Variants in FRY observed in about 807,000 individuals in gnomAD.
FRY encodes the protein protein furry homolog.
A neutral mutation model predicts 348.4 loss-of-function variants in FRY; 128 were observed. The ratio of observed to expected loss-of-function variants is 0.37; its 90% CI spans 0.32 to 0.43. FRY has a LOEUF of 0.43. FRY is among the 20% of genes least tolerant of loss of function. FRY has a pLI of 1.00. For synonymous variants in FRY, 1,370 were observed against 1,374.7 expected, an observed-to-expected ratio of 1.00 and a Z score of 0.08; for missense variants, 2,736 against 3,695.2, an observed-to-expected ratio of 0.74 and a Z score of 6.73.
chr13:32,219,014 A>C (rs1885162096), intron 36 of FRY, among the ~76,000 whole-genome samples, 183 bp downstream of exon 36: 1 of 151,630 alleles, frequency 6.6e-6, no homozygotes, highest in Non-Finnish European at 1.5e-5. Flanking sequence ...AAAAAGAAAA[A>C]ACCATGGACA....
At chr13:32,171,304 CTTTTTTTTTTTTTT>C (rs71071026) in intron 18 of FRY, 34 bp downstream of exon 18, 13 of 533,990 alleles carry the variant, frequency 2.4e-5, no homozygotes, top group Middle Eastern at 1.2e-3. Context: ...AATTTATATT[CTTTTTTTTTTTTTT>C]TTTTTTTTTT....
chr13:32,294,293 C>A, intron 59 of FRY, 75 bp from the exon 60 acceptor site: 1 of 1,004,748 alleles, frequency 1.0e-6, no homozygotes. Flanking sequence ...CCATAAGATC[C>A]TTTTTTTTTC....
chr13:32,204,310 T>G (rs1884225848), intron 31 of FRY, among the ~76,000 whole-genome samples: 1 of 131,308 alleles, frequency 7.6e-6, no homozygotes, highest in South Asian at 2.2e-4. Context: ...ACCATCATCA[T>G]TGTTTTACAG....
At chr13:32,137,923 A>T (rs1267997262) in intron 11 of FRY, among the ~76,000 whole-genome samples, 1 of 152,216 alleles carries the variant, frequency 6.6e-6, no homozygotes, top group Admixed American at 6.5e-5. Flanking sequence ...AATCTGCATT[A>T]GAGCTGTTTT....
chr13:32,218,762 A>C lies in FRY; in HGVS notation c.4696A>C (p.Ile1566Leu), dbSNP rs1222169047. ...TTGTATTTGAAGGTTTAGTAATGTC[A>C]TCAGAGCCCACACTCGCCTCGAGTC... ...KESDERFSNV[I>L]RAHTRLESRY... The change falls in exon 36 of 61, where the codon ATC (isoleucine) becomes CTC (leucine). Residue 1566 changes from isoleucine (I) to leucine (L), a missense_variant. This residue lies in a region of FRY where 794 missense variants were observed against 977.0 expected (regional missense o/e 0.81). Coordinates refer to ENST00000542859, the MANE Select transcript of FRY (RefSeq NM_023037.3). 1 of 1,598,474 alleles carries C rather than the reference A, an allele frequency of 6.3e-7. No individual in the cohort carries two copies.
At chr13:32,262,811 A>G (rs1887731497) in intron 53 of FRY, among the ~76,000 whole-genome samples, 2 of 152,226 alleles carry the variant, frequency 1.3e-5, no homozygotes, top group South Asian at 4.1e-4. Context: ...GATCTTTGTC[A>G]TGAATTTTAT....
At chr13:32,218,971 G>C in intron 36 of FRY, 140 bp downstream of exon 36, 1 of 647,138 alleles carries the variant, frequency 1.5e-6, no homozygotes, top group Non-Finnish European at 2.8e-6. Flanking sequence ...CTATGCAGAT[G>C]AGCATAGAGT....
chr13:32,088,730 AT>A (rs1363074897), intron 2 of FRY, among the ~76,000 whole-genome samples: 1 of 152,246 alleles, frequency 6.6e-6, no homozygotes, highest in Non-Finnish European at 1.5e-5. Flanking sequence ...GTAATAAAAA[AT>A]ATCAGAGGGC....
intron 1 of FRY, among the ~76,000 whole-genome samples, chr13:32,072,833 A>T (rs1874757701): frequency 6.6e-6 from 1 of 152,228 alleles, no homozygotes; most frequent in East Asian, 1.9e-4. Flanking sequence ...AAATGAATGA[A>T]GTATTGAGAA....
At chr13:32,129,373 T>A (rs967412747) in intron 7 of FRY, among the ~76,000 whole-genome samples, 2 of 152,242 alleles carry the variant, frequency 1.3e-5, no homozygotes, top group Non-Finnish European at 2.9e-5. Context: ...AATGTGCTGA[T>A]ACCAAATAGA....
chr13:32,259,826 C>A (rs1432595803), intron 51 of FRY, among the ~76,000 whole-genome samples: 1 of 151,412 alleles, frequency 6.6e-6, no homozygotes, highest in Non-Finnish European at 1.5e-5. Flanking sequence ...TTTAAAATCC[C>A]AGTACAACAG....
intron 51 of FRY, among the ~76,000 whole-genome samples, chr13:32,259,353 A>C (rs989648499): frequency 1.3e-5 from 2 of 152,160 alleles, no homozygotes; most frequent in African/African-American, 4.8e-5. Context: ...TCTAATGGAG[A>C]TATTACACCT....
At chr13:32,162,542 G>A (rs1438271291) in intron 17 of FRY, among the ~76,000 whole-genome samples, 2 of 152,248 alleles carry the variant, frequency 1.3e-5, no homozygotes, top group East Asian at 3.9e-4. Context: ...ATAGCTTTTA[G>A]AAACTACTGC....
intron 2 of FRY, chr13:32,085,757 C>G: frequency 2.4e-6 from 1 of 414,992 alleles, no homozygotes; most frequent in South Asian, 1.9e-5. Flanking sequence ...TGTGTTCACG[C>G]AAACATAATG....
chr13:32,149,950 T>A, intron 14 of FRY, 116 bp downstream of exon 14: 1 of 714,880 alleles, frequency 1.4e-6, no homozygotes, highest in Non-Finnish European at 2.5e-6. Flanking sequence ...CTTCTATTTG[T>A]TTCTGTCAAT....
At chr13:32,037,869 G>A (rs560787963) in intron 1 of FRY, among the ~76,000 whole-genome samples, 1 of 152,294 alleles carries the variant, frequency 6.6e-6, no homozygotes, top group African/African-American at 2.4e-5. Context: ...TGAGTCTTAT[G>A]TGATATTAAC....
At chr13:32,214,042 G>A (rs539710304) in intron 35 of FRY, among the ~76,000 whole-genome samples, 127 of 152,268 alleles carry the variant, frequency 8.3e-4, no homozygotes, top group African/African-American at 3.0e-3. Context: ...CTATAACATT[G>A]ATTGATCATA....
chr13:32,075,398 T>C (rs138476022), intron 1 of FRY, among the ~76,000 whole-genome samples: 124 of 152,344 alleles, frequency 8.1e-4, no homozygotes, highest in African/African-American at 2.8e-3. Context: ...TATGCAATTT[T>C]GTTTCTTCTT....
In FRY at chr13:32,142,967, G is replaced by A. The variant is rs76179276; in HGVS notation, c.1180-4315G>A. On this transcript the variant is annotated intron_variant, in intron 11 of 60. Transcript: ENST00000542859. ...GGATTGGGACAGGAGTAGAGGGGCA[G>A]GGGAATGTAGTAAGAGGAGATGTAA... Among the ~76,000 whole-genome samples, 404 of 152,244 alleles carry A rather than the reference G, an allele frequency of 2.7e-3. 4 individuals carry two copies. Among genetic ancestry groups the A allele is most frequent in the African/African-American group, 9.2e-3 (384 of 41,540 alleles).
Sources: gnomAD v4.1 joint callset for allele counts (sites outside exome capture counted in the v4.1 genomes callset) on GRCh38, gnomAD v4.1.1 for gene constraint, gnomAD v4.1.1 regional missense constraint, MANE v1.5 for transcripts, NCBI Gene and HGNC (gene_info 2026-07-23, HGNC 2026-07-21) for gene names.